Variants in ATP10A observed in about 807,000 individuals in gnomAD.
ATP10A encodes phospholipid-transporting ATPase VA.
A neutral mutation model predicts 147.8 loss-of-function variants in ATP10A; 111 were observed. The observed-to-expected ratio is 0.75, with a 90% CI of 0.64 to 0.88. The LOEUF (loss-of-function observed/expected upper bound fraction) is 0.88, where lower values mean the gene tolerates loss of function less well. ATP10A is among the 40% of genes least tolerant of loss of function. ATP10A has a pLI of 0.00. For missense variants in ATP10A, 1,927 were observed against 1,959.0 expected, an observed-to-expected ratio of 0.98 and a Z score of 0.31; for synonymous variants, 875 against 841.6, an observed-to-expected ratio of 1.04 and a Z score of -0.69.
upstream of ATP10A, chr15:25,863,679 C>T (rs1447148263): frequency 6.6e-6 from 1 of 152,284 alleles, no homozygotes; most frequent in African/African-American, 2.4e-5. Flanking sequence ...CCGGTTAGGA[C>T]CTTACTCCAG....
intron 1 of ATP10A, among the ~76,000 whole-genome samples, chr15:25,794,603 C>T (rs1367322552): frequency 6.6e-6 from 1 of 152,194 alleles, no homozygotes; most frequent in Non-Finnish European, 1.5e-5. Context: ...GTGCAGTGAC[C>T]TAAGACACCT....
chr15:25,813,607 A>G (rs1313941151), intron 1 of ATP10A, among the ~76,000 whole-genome samples: 1 of 152,244 alleles, frequency 6.6e-6, no homozygotes, highest in African/African-American at 2.4e-5. Context: ...GACAGCAGAT[A>G]AAACACTTGT....
chr15:25,680,032 C>A, intron 20 of ATP10A, 58 bp from the exon 21 acceptor site: 3 of 1,578,444 alleles, frequency 1.9e-6, no homozygotes, highest in Non-Finnish European at 2.6e-6. Context: ...TGTCTTTGAG[C>A]TTCCAGAGAC....
intron 2 of ATP10A, among the ~76,000 whole-genome samples, chr15:25,769,468 CAG>C: frequency 9.3e-6 from 1 of 107,222 alleles, no homozygotes; most frequent in East Asian, 3.0e-4. Context: ...GCCTGGGTGA[CAG>C]AGGGAGACTC....
chr15:25,771,278 T>C (rs1480316360), intron 2 of ATP10A, among the ~76,000 whole-genome samples: 1 of 152,092 alleles, frequency 6.6e-6, no homozygotes, highest in Non-Finnish European at 1.5e-5. Flanking sequence ...ATGCCAATCA[T>C]AACACAAAGA....
At chr15:25,850,083 C>G (rs1351653534) in intron 1 of ATP10A, among the ~76,000 whole-genome samples, 1 of 152,150 alleles carries the variant, frequency 6.6e-6, no homozygotes, top group Non-Finnish European at 1.5e-5. Context: ...ATAAGATTAC[C>G]CTTTTTGAGA....
At chr15:25,678,672 T>C (rs1567292236), downstream of ATP10A, 1 of 152,214 alleles carries the variant, frequency 6.6e-6, no homozygotes, top group Non-Finnish European at 1.5e-5. Flanking sequence ...AGGTCAGGTA[T>C]TAATCATTTC....
chr15:25,710,252 C>G (rs1352064348), intron 10 of ATP10A: 2 of 152,280 alleles, frequency 1.3e-5, no homozygotes, highest in African/African-American at 4.8e-5. Context: ...AGGAGTGACA[C>G]CACCTGAGGG....
At chr15:25,777,778 C>CT (rs141645308) in intron 2 of ATP10A, among the ~76,000 whole-genome samples, 57,023 of 123,252 alleles carry the variant, frequency 0.46, 12,738 homozygotes, top group African/African-American at 0.58. Context: ...TTTTTTCTTT[C>CT]TTTCTTTTTT....
chr15:25,726,897 CA>C (rs57151119), intron 4 of ATP10A, among the ~76,000 whole-genome samples: 78,371 of 140,428 alleles, frequency 0.56, 25,212 homozygotes, highest in Non-Finnish European at 0.74. Context: ...TAAAAAAATA[CA>C]AAAAAAAAAA....
At chr15:25,800,539 G>A (rs1365999325) in intron 1 of ATP10A, among the ~76,000 whole-genome samples, 1 of 152,188 alleles carries the variant, frequency 6.6e-6, no homozygotes, top group African/African-American at 2.4e-5. Flanking sequence ...CTCCACGCGT[G>A]CCTGCTGGGC....
chr15:25,731,706 A>G (rs1273295953), intron 3 of ATP10A, among the ~76,000 whole-genome samples: 5 of 152,128 alleles, frequency 3.3e-5, no homozygotes, highest in African/African-American at 1.2e-4. Context: ...AACTCTGAAG[A>G]TTTCGCTAGG....
chr15:25,680,151 A>G lies in ATP10A; in HGVS notation c.3836T>C (p.Leu1279Pro), dbSNP rs1899319423. The change falls in exon 20 of 21, where the codon CTG becomes CCG. Residue 1279 changes from leucine (L) to proline (P), a missense_variant. Transcript: ENST00000555815. ...LGDPVFYLTC[L>P]MTPVAALLPR... Reference sequence around the variant, plus strand: ...CAGCAGTGCAGCGACAGGCGTCATCAGGCAAGTCAAGTAAAACACTGGGTC... The same window carrying G: ...CAGCAGTGCAGCGACAGGCGTCATCGGGCAAGTCAAGTAAAACACTGGGTC... 1.2e-6 allele frequency: 2 copies of G among 1,613,934 alleles called. No homozygotes were observed. Among genetic ancestry groups the G allele is most frequent in the Non-Finnish European group, 1.7e-6 (2 of 1,180,032 alleles).
intron 1 of ATP10A, among the ~76,000 whole-genome samples, chr15:25,795,875 C>T (rs1343312374): frequency 1.3e-5 from 2 of 151,956 alleles, no homozygotes; most frequent in African/African-American, 2.4e-5. Context: ...AGGGGATGTG[C>T]GAGAGTTCTG....
At chr15:25,777,778 CTTTCTTTT>C (rs1889689492) in intron 2 of ATP10A, among the ~76,000 whole-genome samples, 1 of 123,946 alleles carries the variant, frequency 8.1e-6, no homozygotes, top group Non-Finnish European at 1.7e-5. Context: ...TTTTTTCTTT[CTTTCTTTT>C]TTTTTTTTTG....
rs1426772066 is a variant in ATP10A, at chr15:25,720,516, A to C, written c.1363+1141T>G. ...ACTCTGCTGAGTTCTGTTTTTGAGA[A>C]GAGCACAATGCACTGTGCTGTACCA... On this transcript the variant is annotated intron_variant, in intron 7 of 20. Transcript: ENST00000555815. Among the ~76,000 whole-genome samples the C allele has an allele frequency of 3.9e-5, 6 of 152,090 alleles. No individual in the cohort carries two copies. In the East Asian group the frequency reaches 1.2e-3, roughly 29 times the overall value.
downstream of ATP10A, among the ~76,000 whole-genome samples, chr15:25,674,038 AC>A (rs570801097): frequency 4.9e-3 from 742 of 152,266 alleles, 9 homozygotes; most frequent in African/African-American, 0.017. Flanking sequence ...CTGGACAGTT[AC>A]CGCTGTTACA....
At chr15:25,855,280 C>T (rs28834430) in intron 1 of ATP10A, among the ~76,000 whole-genome samples, 8,066 of 152,068 alleles carry the variant, frequency 0.053, 570 homozygotes, top group African/African-American at 0.15. Context: ...GGATTGTACA[C>T]CATGACCAAG....
intron 14 of ATP10A, among the ~76,000 whole-genome samples, 163 bp downstream of exon 14, chr15:25,694,656 C>G (rs767794347): frequency 2.0e-5 from 3 of 152,248 alleles, no homozygotes; most frequent in Non-Finnish European, 4.4e-5. Flanking sequence ...CCAATGTAAA[C>G]TTTACCTTCG....
Sources: allele counts gnomAD v4.1 joint callset (sites outside exome capture counted in the v4.1 genomes callset), GRCh38; gene constraint gnomAD v4.1.1; transcripts MANE v1.5; gene names NCBI Gene and HGNC (gene_info 2026-07-23, HGNC 2026-07-21).